HSDL2: variants seen among roughly 807,000 people sequenced by gnomAD.
The protein encoded by HSDL2 is hydroxysteroid dehydrogenase-like protein 2.
A neutral mutation model predicts 46.3 loss-of-function variants in HSDL2; 27 were observed. That is an observed-to-expected ratio of 0.58 (90% CI 0.43 to 0.80). HSDL2 has a LOEUF of 0.80. Among genes scored for constraint, HSDL2 ranks in the 30% least tolerant of loss-of-function variants. The pLI is 0.00. For synonymous variants in HSDL2, 153 were observed against 163.6 expected (o/e 0.94, Z 0.50); for missense variants, 451 against 502.7 (o/e 0.90, Z 0.98).
chr9:112,395,054 G>A (rs1275934896), intron 1 of HSDL2, among the ~76,000 whole-genome samples: 1 of 152,180 alleles, frequency 6.6e-6, no homozygotes, highest in Non-Finnish European at 1.5e-5. Flanking sequence ...TACTGTAAGC[G>A]AGATCCAGTG....
chr9:112,460,739 G>A (rs76745446), intron 10 of HSDL2, among the ~76,000 whole-genome samples: 2 of 870 alleles, frequency 2.3e-3, no homozygotes, highest in Middle Eastern at 0.5. Flanking sequence ...GAATGAAACC[G>A]TCTCAAAAAA....
intron 6 of HSDL2, among the ~76,000 whole-genome samples, chr9:112,425,406 A>G (rs964605782): frequency 6.6e-6 from 1 of 152,196 alleles, no homozygotes; most frequent in African/African-American, 2.4e-5. Context: ...GAATTAAGCA[A>G]TACCATATTG....
Position 112,424,196 on chromosome 9 carries a change from C to T in HSDL2, c.598+5238C>T, listed in dbSNP as rs541578655. 5.2e-3 allele frequency among the ~76,000 whole-genome samples: 785 copies of T among 150,838 alleles called. 11 individuals carry two copies. Among genetic ancestry groups the T allele is most frequent in the African/African-American group, 0.018 (743 of 41,354 alleles). On this transcript the variant is annotated intron_variant, in intron 6 of 10. Transcript: ENST00000398805. ...ATTAGCCGGGCATAGTGGCGGGCGC[C>T]TGTAATCCCAGCTACTTGGGAGGCT... is the stretch of plus-strand genomic sequence containing the variant.
At chr9:112,385,135 TTTAATATTTTATG>T (rs780409029) in intron 1 of HSDL2, among the ~76,000 whole-genome samples, 2 of 151,644 alleles carry the variant, frequency 1.3e-5, no homozygotes, top group Non-Finnish European at 2.9e-5. Context: ...ACAGAACCAC[TTTAATATTTTATG>T]TATACTACCT....
At chr9:112,387,098 A>G (rs563592385) in intron 1 of HSDL2, among the ~76,000 whole-genome samples, 3 of 152,330 alleles carry the variant, frequency 2.0e-5, no homozygotes, top group African/African-American at 7.2e-5. Context: ...ATATTGAGAA[A>G]TTATTGTTAA....
At position 112,405,691 on chromosome 9, in the gene HSDL2, T is replaced by G. The variant is rs779822052; in HGVS notation, c.249T>G (p.Ala83=). 10 of 1,612,394 alleles carry G rather than the reference T, an allele frequency of 6.2e-6. No individual in the cohort carries two copies. Among genetic ancestry groups the G allele is most frequent in the Non-Finnish European group, 7.6e-6 (9 of 1,179,146 alleles). ...VDVRDEQQIS[A]AVEKAIKKFG... ...TGAGAGATGAACAGCAGATCAGTGC[T>G]GCAGTGGAGAAAGCCATCAAGAAAT... Residue 83 remains alanine (A), a synonymous_variant, in exon 3 of 11, where the codon GCT becomes GCG. Coordinates refer to ENST00000398805, the MANE Select transcript of HSDL2 (RefSeq NM_032303.5).
intron 1 of HSDL2, among the ~76,000 whole-genome samples, chr9:112,391,164 A>G (rs1831335108): frequency 6.7e-6 from 1 of 149,532 alleles, no homozygotes; most frequent in Admixed American, 6.6e-5. Flanking sequence ...TGACAGAGTA[A>G]GACTCCATCT....
At chr9:112,453,940 CTGAT>C (rs2132692763) in intron 8 of HSDL2, 69 bp from the exon 9 acceptor site, 1 of 1,294,586 alleles carries the variant, frequency 7.7e-7, no homozygotes, top group Non-Finnish European at 1.0e-6. Flanking sequence ...GTCTGTCCTG[CTGAT>C]TAATTAATTC....
chr9:112,404,300 C>A, intron 2 of HSDL2, 142 bp downstream of exon 2: 1 of 763,256 alleles, frequency 1.3e-6, no homozygotes, highest in Non-Finnish European at 2.0e-6. Context: ...TATGTTGTCA[C>A]CTTGGGGCAG....
chr9:112,422,231 T>G (rs1832140464), intron 6 of HSDL2, among the ~76,000 whole-genome samples: 1 of 151,994 alleles, frequency 6.6e-6, no homozygotes, highest in African/African-American at 2.4e-5. Flanking sequence ...ACAAACGAAC[T>G]ATATAAGGGT....
At chr9:112,453,240 T>C (rs144252846) in intron 8 of HSDL2, among the ~76,000 whole-genome samples, 313 of 152,306 alleles carry the variant, frequency 2.1e-3, no homozygotes, top group African/African-American at 7.3e-3. Context: ...AGTCTTCAGT[T>C]TAGCTCCACC....
chr9:112,443,374 C>T (rs1832681674), intron 8 of HSDL2, among the ~76,000 whole-genome samples: 1 of 152,126 alleles, frequency 6.6e-6, no homozygotes, highest in Non-Finnish European at 1.5e-5. Flanking sequence ...GACAGATACT[C>T]CCCTCATTTT....
intron 1 of HSDL2, among the ~76,000 whole-genome samples, chr9:112,390,936 G>A (rs1359466174): frequency 2.0e-5 from 3 of 152,088 alleles, no homozygotes; most frequent in Non-Finnish European, 2.9e-5. Context: ...ATCACTTTGG[G>A]AGGCCAAGGT....
chr9:112,461,954 A>T (rs964418879), intron 10 of HSDL2, among the ~76,000 whole-genome samples: 2 of 152,200 alleles, frequency 1.3e-5, no homozygotes, highest in Non-Finnish European at 2.9e-5. Context: ...TGAATTATTT[A>T]AAAAAACAAT....
intron 6 of HSDL2, among the ~76,000 whole-genome samples, chr9:112,430,700 T>G (rs7048192): frequency 6.6e-6 from 1 of 152,048 alleles, no homozygotes; most frequent in South Asian, 2.1e-4. Context: ...GAACCAACAG[T>G]ATCTGCTGAT....
At chr9:112,388,615 G>A (rs1831270427) in intron 1 of HSDL2, among the ~76,000 whole-genome samples, 1 of 151,522 alleles carries the variant, frequency 6.6e-6, no homozygotes, top group South Asian at 2.1e-4. Context: ...TTAGCCAGGT[G>A]TGGTGGTGCA....
intron 8 of HSDL2, among the ~76,000 whole-genome samples, chr9:112,442,268 C>CAAAAAAAA: frequency 2.1e-5 from 1 of 47,442 alleles, no homozygotes; most frequent in Non-Finnish European, 3.9e-5. Context: ...GACCCTGTCT[C>CAAAAAAAA]AAAAAAAAAA....
At chr9:112,405,431 C>A (rs1265298215) in intron 2 of HSDL2, among the ~76,000 whole-genome samples, 193 bp from the exon 3 acceptor site, 4 of 152,136 alleles carry the variant, frequency 2.6e-5, no homozygotes, top group Admixed American at 2.6e-4. Flanking sequence ...ACCAAACCTT[C>A]GTTTTTGTTT....
intron 6 of HSDL2, among the ~76,000 whole-genome samples, chr9:112,428,522 AT>A (rs1447458668): frequency 6.6e-6 from 1 of 152,170 alleles, no homozygotes; most frequent in Non-Finnish European, 1.5e-5. Flanking sequence ...AATTTAGTGG[AT>A]TGTGAAATTG....
Sources: allele counts gnomAD v4.1 joint callset (sites outside exome capture counted in the v4.1 genomes callset), GRCh38; gene constraint gnomAD v4.1.1; transcripts MANE v1.5; gene names NCBI Gene and HGNC (gene_info 2026-07-23, HGNC 2026-07-21).